The following CBLL1 variants were observed in gnomAD, a reference collection of about 807,000 sequenced individuals.
CBLL1 encodes E3 ubiquitin-protein ligase Hakai.
Under a neutral mutation model 44.9 loss-of-function variants are expected in CBLL1, and 4 were observed. The ratio of observed to expected loss-of-function variants is 0.09; its 90% CI spans 0.04 to 0.20. The LOEUF is 0.20. Among genes scored for constraint, CBLL1 ranks in the 10% least tolerant of loss-of-function variants. CBLL1 has a pLI of 1.00. For missense variants in CBLL1, 569 were observed against 636.7 expected (o/e 0.89, Z 1.14); for synonymous variants, 235 against 202.2 (o/e 1.16, Z -1.38).
intron 2 of CBLL1, among the ~76,000 whole-genome samples, chr7:107,749,900 T>C (rs6965877): frequency 1.4e-3 from 211 of 151,998 alleles, no homozygotes; most frequent in African/African-American, 4.8e-3. Flanking sequence ...AATAGGGTTT[T>C]TGTTATATGT....
chr7:107,745,030 T>TTAGGTGTGTATGTTTATTTATG (rs1364224629), intron 1 of CBLL1, among the ~76,000 whole-genome samples: 1 of 152,164 alleles, frequency 6.6e-6, no homozygotes, highest in Admixed American at 6.5e-5. Flanking sequence ...GGTTATATAA[T>TTAGGTGTGTATGTTTATTTATG]TAGGTGTGTA....
intron 4 of CBLL1, 85 bp from the exon 5 acceptor site, chr7:107,755,333 C>G (rs1351562206): frequency 3.8e-6 from 2 of 521,346 alleles, no homozygotes; most frequent in African/African-American, 4.0e-5. Flanking sequence ...GTCTTCTAAG[C>G]CTTATGTATA....
chr7:107,758,406 A>G lies in CBLL1; in HGVS notation c.704A>G (p.Lys235Arg). Residue 235 changes from lysine (K) to arginine (R), a missense_variant, in exon 6 of 6, where the codon AAG (lysine) becomes AGG (arginine). Lys to Arg is a conservative substitution (Grantham distance 26, BLOSUM62 2). Coordinates refer to ENST00000440859, the MANE Select transcript of CBLL1 (RefSeq NM_024814.4). The surrounding 1 kb of genome is among the most constrained non-coding windows in gnomAD (Gnocchi z 4.2). ...CACCATATGAGCCATATTCCGCCAAAGCAGCACATCATGATGCCACCACCT... is the reference window on the plus strand; with the variant it reads ...CACCATATGAGCCATATTCCGCCAAGGCAGCACATCATGATGCCACCACCT... ...DKHHMSHIPPKQHIMMPPPPL... is the reference protein window; with the variant it reads ...DKHHMSHIPPRQHIMMPPPPL... The G allele has an allele frequency of 6.2e-7, 1 of 1,614,130 alleles. No individual in the cohort carries two copies. Among genetic ancestry groups the G allele is most frequent in the Non-Finnish European group, 8.5e-7 (1 of 1,180,040 alleles).
chr7:107,757,497 C>T (rs146712163), intron 5 of CBLL1, among the ~76,000 whole-genome samples: 67 of 152,138 alleles, frequency 4.4e-4, no homozygotes, highest in African/African-American at 1.5e-3. Context: ...TAATTTTGAC[C>T]CTGAGTTTTT....
In CBLL1 at chr7:107,749,034, A is replaced by C; in HGVS notation, c.168A>C (p.Pro56=). 3 of 1,613,918 alleles carry C rather than the reference A, an allele frequency of 1.9e-6. No individual in the cohort carries two copies. The highest frequency in any genetic ancestry group is 2.5e-6 in the Non-Finnish European group (3 of 1,179,904). Residue 56 remains proline (P), a synonymous_variant, in exon 2 of 6, where the codon CCA becomes CCC. Transcript: ENST00000440859. ...TAAACAGGATGCCTGCAAAGGCTCC[A>C]CCTGGTGATGAAGGTAATTTGTTTA... ...RTINRMPAKA[P]PGDEEGFDYN...
chr7:107,748,802 G>T lies in CBLL1; in HGVS notation c.14-78G>T, dbSNP rs1793128917. ...CTTTAACCTTGATAATGTTAGGTAT[G>T]GTGTTTTAATACCTGTGGCAGAATA... On this transcript the variant is annotated intron_variant, in intron 1 of 5. Transcript: ENST00000440859. 10 of 1,176,184 alleles carry T rather than the reference G, an allele frequency of 8.5e-6. No homozygotes were observed. The South Asian group carries it at 1.6e-4, about 19-fold the overall frequency. 72.9% of individuals were successfully genotyped at this position (1,176,184 alleles called of 1,614,324 possible). A position where few individuals can be genotyped will look rare whatever the true frequency, so the allele number is the denominator to read the frequency against.
intron 3 of CBLL1, among the ~76,000 whole-genome samples, 168 bp downstream of exon 3, chr7:107,753,679 A>G (rs529168067): frequency 6.6e-6 from 1 of 152,252 alleles, no homozygotes; most frequent in Admixed American, 6.5e-5. Flanking sequence ...TTCAAGAATA[A>G]TTTGAAGTAA....
intron 2 of CBLL1, among the ~76,000 whole-genome samples, chr7:107,749,638 T>C (rs973241704): frequency 3.3e-5 from 5 of 151,414 alleles, no homozygotes; most frequent in Admixed American, 2.6e-4. Flanking sequence ...ACAGTACTTG[T>C]CAAACTCTAA....
intron 4 of CBLL1, among the ~76,000 whole-genome samples, chr7:107,754,775 G>A (rs997443706): frequency 5.3e-5 from 8 of 152,010 alleles, no homozygotes; most frequent in Admixed American, 3.9e-4. Flanking sequence ...ATAGTTTCAG[G>A]AGAAACAAGA....
chr7:107,752,559 G>A (rs998179964), intron 2 of CBLL1: 10 of 1,289,596 alleles, frequency 7.8e-6, no homozygotes, highest in Non-Finnish European at 1.0e-5. Context: ...AGGGCCAAAA[G>A]AGTCGTGAGA....
intron 1 of CBLL1, among the ~76,000 whole-genome samples, chr7:107,747,859 T>C (rs1032673742): frequency 6.6e-6 from 1 of 152,254 alleles, no homozygotes; most frequent in Non-Finnish European, 1.5e-5. Context: ...ATGGTTTGGC[T>C]ATCAGTCTTG....
At chr7:107,750,529 C>T (rs1292008990) in intron 2 of CBLL1, among the ~76,000 whole-genome samples, 3 of 151,812 alleles carry the variant, frequency 2.0e-5, no homozygotes, top group Non-Finnish European at 4.4e-5. Context: ...TGGTCTCGAT[C>T]TCCTGACCTC....
At chr7:107,754,031 G>A (rs1018574012) in intron 4 of CBLL1, 53 bp downstream of exon 4, 20 of 1,173,230 alleles carry the variant, frequency 1.7e-5, no homozygotes, top group East Asian at 2.6e-5. Context: ...TAGAGGTGGG[G>A]TTCTGAAATT....
intron 2 of CBLL1, 30 bp downstream of exon 2, chr7:107,749,077 T>A (rs1456491193): frequency 3.7e-6 from 6 of 1,602,584 alleles, no homozygotes; most frequent in East Asian, 4.5e-5. Context: ...GGTCCAACAC[T>A]CTTTCTGTTT....
At chr7:107,746,460 A>G (rs1352897414) in intron 1 of CBLL1, among the ~76,000 whole-genome samples, 2 of 152,176 alleles carry the variant, frequency 1.3e-5, no homozygotes, top group African/African-American at 4.8e-5. Context: ...AGAAGACAGT[A>G]TCAAATACTG....
chr7:107,757,473 A>G (rs1256316824), intron 5 of CBLL1, among the ~76,000 whole-genome samples: 23 of 152,202 alleles, frequency 1.5e-4, no homozygotes, highest in Admixed American at 1.5e-3. Context: ...AATATGGTAA[A>G]TGAAAAATAG....
chr7:107,744,504 C>A (rs994806871), intron 1 of CBLL1: 2 of 352,850 alleles, frequency 5.7e-6, no homozygotes, highest in Non-Finnish European at 1.0e-5. Context: ...CTCTGGCCTA[C>A]GTTATGGAGA....
Position 107,758,453 on chromosome 7 carries a change from G to A in CBLL1, c.751G>A (p.Glu251Lys). The stretch of plus-strand genomic sequence containing the variant: ...ACCTCCTTTGCAACATGTGCCACAT[G>A]AGCACTATAATCAGCCACATGAGGA... ...PPPPLQHVPH[E>K]HYNQPHEDIR... Residue 251 changes from glutamate (E) to lysine (K), a missense_variant, in exon 6 of 6, where the codon GAG (glutamate) becomes AAG (lysine). Glu to Lys is a moderately conservative substitution (Grantham distance 56). Coordinates refer to ENST00000440859, the MANE Select transcript of CBLL1 (RefSeq NM_024814.4). The surrounding 1 kb of genome is among the most constrained non-coding windows in gnomAD (Gnocchi z 4.2). 6.2e-7 allele frequency: 1 copy of A among 1,614,102 alleles called. No individual in the cohort carries two copies. Among genetic ancestry groups the A allele is most frequent in the Non-Finnish European group, 8.5e-7 (1 of 1,180,016 alleles).
intron 5 of CBLL1, among the ~76,000 whole-genome samples, chr7:107,757,146 C>T (rs1793563954): frequency 6.6e-6 from 1 of 152,072 alleles, no homozygotes. Flanking sequence ...AATGACCTGA[C>T]ACACATATTC....
Sources: allele counts gnomAD v4.1 joint callset (sites outside exome capture counted in the v4.1 genomes callset), GRCh38; gene constraint gnomAD v4.1.1; non-coding constraint Gnocchi (gnomAD v3.1); transcripts MANE v1.5; gene names NCBI Gene and HGNC (gene_info 2026-07-23, HGNC 2026-07-21).